The following NOP58 variants were observed in gnomAD, a reference collection of about 807,000 sequenced individuals.
NOP58 encodes nucleolar protein 58.
A neutral mutation model predicts 71.2 loss-of-function variants in NOP58; 44 were observed. That is an observed-to-expected ratio of 0.62 (90% CI 0.49 to 0.79). The LOEUF (loss-of-function observed/expected upper bound fraction) is 0.79. Ranked by LOEUF, NOP58 falls within the 30% of genes least tolerant of loss-of-function variation. The probability of loss-of-function intolerance (pLI) is 0.00; values close to 1 mark genes in which losing one functional copy is unlikely to be tolerated. For missense variants in NOP58, 538 were observed against 620.2 expected, an observed-to-expected ratio of 0.87 and a Z score of 1.41; for synonymous variants, 228 against 200.3, an observed-to-expected ratio of 1.14 and a Z score of -1.17.
At chr2:202,283,955 G>A (rs186876790) in intron 4 of NOP58, among the ~76,000 whole-genome samples, 6 of 152,150 alleles carry the variant, frequency 3.9e-5, no homozygotes, top group African/African-American at 7.2e-5. Flanking sequence ...TGAGAAATGC[G>A]TATATTTAAA....
In NOP58 at chr2:202,292,798, C is replaced by G; in HGVS notation, c.802C>G (p.Arg268Gly). 1 of 1,610,862 alleles carries G rather than the reference C, an allele frequency of 6.2e-7. No homozygotes were observed. The highest frequency in any genetic ancestry group is 1.1e-5 in the South Asian group (1 of 91,020). The part of the protein sequence containing the change: ...CTQVIEISEY[R>G]TQLYEYLQNR... ...CTAGGTGATTGAAATCTCTGAATAT[C>G]GAACCCAGCTCTATGAATATCTACA... The change falls in exon 9 of 15, where the codon CGA becomes GGA. Residue 268 changes from arginine (R) to glycine (G), a missense_variant. By Grantham distance (125) the Arg-to-Gly change is moderately radical. Transcript: ENST00000264279.
At chr2:202,301,702 A>G (rs1461186466) in intron 13 of NOP58, among the ~76,000 whole-genome samples, 2 of 151,940 alleles carry the variant, frequency 1.3e-5, no homozygotes, top group African/African-American at 2.4e-5. Flanking sequence ...CACTTATCCC[A>G]TCTGCCCTCC....
intron 4 of NOP58, among the ~76,000 whole-genome samples, chr2:202,283,633 G>T (rs973626483): frequency 6.6e-6 from 1 of 150,954 alleles, no homozygotes; most frequent in Non-Finnish European, 1.5e-5. Flanking sequence ...TAGAGACGGG[G>T]TTTCATCATG....
intron 12 of NOP58, among the ~76,000 whole-genome samples, chr2:202,299,312 T>C (rs1013043073): frequency 6.6e-6 from 1 of 152,176 alleles, no homozygotes; most frequent in Non-Finnish European, 1.5e-5. Flanking sequence ...GAGTAATTAA[T>C]ATATAGAACA....
chr2:202,268,816 G>T (rs1029084300), intron 1 of NOP58, among the ~76,000 whole-genome samples: 1 of 151,692 alleles, frequency 6.6e-6, no homozygotes, highest in African/African-American at 2.4e-5. Flanking sequence ...TCTCCATGTT[G>T]AGGCTGGTCT....
intron 2 of NOP58, chr2:202,276,649 G>A (rs568749925): frequency 3.3e-6 from 1 of 302,456 alleles, no homozygotes; most frequent in East Asian, 8.2e-5. Context: ...AGACCAGCCT[G>A]GGCAATATAG....
Position 202,271,820 on chromosome 2 carries a change from T to A in NOP58, c.46-3293T>A, listed in dbSNP as rs1165910525. On this transcript the variant is annotated intron_variant, in intron 1 of 14. Coordinates refer to ENST00000264279, the MANE Select transcript of NOP58 (RefSeq NM_015934.5). ...AGAGCTAGATGTCGCAGTGTGCACC[T>A]ATAGTCCTAGCTACTTGGGAGGCCG... Among the ~76,000 whole-genome samples, 3 of 152,006 alleles carry A rather than the reference T, an allele frequency of 2.0e-5. No homozygotes were observed. The South Asian group carries it at 6.2e-4, about 31-fold the overall frequency.
rs777121611 is a variant in NOP58 at position 202,297,887 on chromosome 2, G to A, written c.1249G>A (p.Glu417Lys). The A allele has an allele frequency of 1.3e-6, 2 of 1,585,408 alleles. No homozygotes were observed. Among genetic ancestry groups the A allele is most frequent in the South Asian group, 2.3e-5 (2 of 86,124 alleles). The stretch of plus-strand genomic sequence containing the variant: ...AACAGGAAAAGCATTAGCAAAAACA[G>A]AAAAATATGAACACAAAAGGTGAGT... The part of the protein sequence containing the change: ...SGTGKALAKT[E>K]KYEHKSEVKT... The change falls in exon 12 of 15, where the codon GAA becomes AAA. Residue 417 changes from glutamate to lysine, a missense_variant. By Grantham distance (56) the Glu-to-Lys change is moderately conservative. Transcript: ENST00000264279.
chr2:202,299,079 C>T (rs1689044524), intron 12 of NOP58, among the ~76,000 whole-genome samples: 1 of 150,958 alleles, frequency 6.6e-6, no homozygotes, highest in Non-Finnish European at 1.5e-5. Context: ...CCTGCCTCAG[C>T]CTCCCGAGTA....
At chr2:202,294,336 CAAAA>C (rs1231907557) in intron 9 of NOP58, among the ~76,000 whole-genome samples, 14 of 71,446 alleles carry the variant, frequency 2.0e-4, no homozygotes, top group East Asian at 5.1e-4. Context: ...AACTCCATCT[CAAAA>C]AAAAAAAAAA....
chr2:202,275,103 T>G lies in NOP58; in HGVS notation c.46-10T>G. On this transcript the variant is annotated splice_polypyrimidine_tract_variant and intron_variant, in intron 1 of 14. Coordinates refer to ENST00000264279, the MANE Select transcript of NOP58 (RefSeq NM_015934.5). Reference sequence around the variant, plus strand: ...CATTTAAATAAAACTATTTAAACATTTTATTACAGGTTCTAAATGAGAAGA... The same window carrying G: ...CATTTAAATAAAACTATTTAAACATGTTATTACAGGTTCTAAATGAGAAGA... 2 of 1,387,348 alleles carry G rather than the reference T, an allele frequency of 1.4e-6. No individual in the cohort carries two copies. Among genetic ancestry groups the G allele is most frequent in the Non-Finnish European group, 2.0e-6 (2 of 989,776 alleles). The allele number at this position is 1,387,348 out of a possible 1,614,324, so 85.9% of individuals were successfully genotyped here. A position where few individuals can be genotyped will look rare whatever the true frequency, so the allele number is the denominator to read the frequency against.
At chr2:202,274,833 G>A (rs946300476) in intron 1 of NOP58, among the ~76,000 whole-genome samples, 4 of 152,168 alleles carry the variant, frequency 2.6e-5, no homozygotes, top group Non-Finnish European at 5.9e-5. Flanking sequence ...CCCAAGGCTG[G>A]GGCAGGAATA....
chr2:202,271,574 TAAAAAA>T (rs951242249), intron 1 of NOP58, among the ~76,000 whole-genome samples: 1 of 137,830 alleles, frequency 7.3e-6, no homozygotes, highest in Non-Finnish European at 1.6e-5. Flanking sequence ...GTCTCAAAAA[TAAAAAA>T]AAAAAGAATA....
intron 1 of NOP58, among the ~76,000 whole-genome samples, chr2:202,267,133 CCTTTT>C (rs1011483893): frequency 1.3e-5 from 2 of 152,038 alleles, no homozygotes; most frequent in African/African-American, 4.8e-5. Flanking sequence ...AGATTGAGTG[CCTTTT>C]CTTGTGCGGT....
At chr2:202,292,741 AT>A in intron 8 of NOP58, 35 bp from the exon 9 acceptor site, 1 of 1,561,930 alleles carries the variant, frequency 6.4e-7, no homozygotes, top group Non-Finnish European at 8.8e-7. Flanking sequence ...TTTTACTCAT[AT>A]GATATTTGTG....
chr2:202,296,452 C>T (rs1275243890), intron 10 of NOP58, among the ~76,000 whole-genome samples: 2 of 152,202 alleles, frequency 1.3e-5, no homozygotes, highest in Admixed American at 6.5e-5. Flanking sequence ...CCACCCACCT[C>T]GGCTTCCCAG....
chr2:202,271,384 C>T (rs922517907), intron 1 of NOP58, among the ~76,000 whole-genome samples: 1 of 146,682 alleles, frequency 6.8e-6, no homozygotes, highest in South Asian at 2.2e-4. Context: ...GGTGCAACCC[C>T]GACTTTACTA....
chr2:202,293,068 C>G, intron 9 of NOP58, 165 bp downstream of exon 9: 1 of 812,734 alleles, frequency 1.2e-6, no homozygotes, highest in Non-Finnish European at 2.2e-6. Context: ...ATGATGATTT[C>G]TATTTGTTTG....
intron 6 of NOP58, among the ~76,000 whole-genome samples, chr2:202,288,670 C>T (rs1295052398): frequency 2.6e-5 from 4 of 151,632 alleles, no homozygotes; most frequent in African/African-American, 4.8e-5. Context: ...AAAAAATTAT[C>T]TGAGCATGAT....
Sources: gnomAD v4.1 joint callset for allele counts (sites outside exome capture counted in the v4.1 genomes callset) on GRCh38, gnomAD v4.1.1 for gene constraint, MANE v1.5 for transcripts, NCBI Gene and HGNC (gene_info 2026-07-23, HGNC 2026-07-21) for gene names.